Variants in NPLOC4 observed in about 807,000 individuals in gnomAD.
The protein encoded by NPLOC4 is NPL4 homolog, ubiquitin recognition factor.
Under a neutral mutation model 80.6 loss-of-function variants are expected in NPLOC4, and 18 were observed. That is an observed-to-expected ratio of 0.22 (90% CI 0.15 to 0.33). NPLOC4 has a LOEUF of 0.33. NPLOC4 is among the 10% of genes least tolerant of loss of function. NPLOC4 has a pLI of 1.00. For synonymous variants in NPLOC4, 313 were observed against 301.5 expected (o/e 1.04, Z -0.39); for missense variants, 540 against 786.1 (o/e 0.69, Z 3.74).
intron 3 of NPLOC4, among the ~76,000 whole-genome samples, chr17:81,620,120 TG>T (rs1568161803): frequency 6.6e-6 from 1 of 152,146 alleles, no homozygotes; most frequent in African/African-American, 2.4e-5. Context: ...AAGGGGAACC[TG>T]AAGATTACAA....
At chr17:81,563,441 A>G (rs532097872) in intron 16 of NPLOC4, 4 of 152,180 alleles carry the variant, frequency 2.6e-5, no homozygotes, top group Admixed American at 2.6e-4. Context: ...GTAGTGGCTC[A>G]TGTTTATACT....
chr17:81,582,485 G>A (rs76407518), intron 12 of NPLOC4, among the ~76,000 whole-genome samples: 16,132 of 152,158 alleles, frequency 0.11, 938 homozygotes, highest in Middle Eastern at 0.18. Flanking sequence ...CACTGCAGCC[G>A]TGAACTCCTG....
At chr17:81,620,500 AAAAT>A (rs1451658367) in intron 3 of NPLOC4, among the ~76,000 whole-genome samples, 1 of 152,174 alleles carries the variant, frequency 6.6e-6, no homozygotes, top group Non-Finnish European at 1.5e-5. Flanking sequence ...CGTCTCAAAA[AAAAT>A]AAATAAATAA....
In NPLOC4 at chr17:81,637,101, C is replaced by G. The variant is rs961186671; in HGVS notation, c.-171G>C. ...CCGCCAGCCGCCGACGTCCCGGTGC[C>G]TCGCTCAATACGCTCCCCTCGGGCG... is the stretch of plus-strand genomic sequence containing the variant. On this transcript the variant is annotated 5_prime_UTR_variant, in exon 1 of 17. Coordinates refer to ENST00000331134, the MANE Select transcript of NPLOC4 (RefSeq NM_017921.4). 1.4e-4 allele frequency: 51 copies of G among 369,608 alleles called. No individual in the cohort carries two copies. The highest frequency in any genetic ancestry group is 4.5e-4 in the East Asian group (10 of 22,418). 22.9% of individuals were successfully genotyped at this position (369,608 alleles called of 1,614,324 possible).
At position 81,559,286 on chromosome 17, in the gene NPLOC4, G is replaced by A. The variant is rs199791293; in HGVS notation, c.1800C>T (p.Cys600=). The part of the protein sequence containing the change: ...TFMNQPGTGH[C]EMCSLPRT ...AGGTCCTGGGGAGGCTGCACATCTC[G>A]CAGTGGCCTGTGCCTGGCTGGTTCA... is the stretch of plus-strand genomic sequence containing the variant. Residue 600 remains cysteine (C), a synonymous_variant, in exon 17 of 17, where the codon TGC becomes TGT. Transcript: ENST00000331134. 425 of 1,604,850 alleles carry A rather than the reference G, an allele frequency of 2.6e-4. No homozygotes were observed. The highest frequency in any genetic ancestry group is 1.0e-3 in the Admixed American group (61 of 58,550).
chr17:81,626,639 C>A (rs1284369370), intron 2 of NPLOC4, among the ~76,000 whole-genome samples: 2 of 152,102 alleles, frequency 1.3e-5, no homozygotes, highest in Admixed American at 1.3e-4. Context: ...TCAAGACCAG[C>A]CTAGACAACA....
chr17:81,627,188 A>C (rs373213933), intron 2 of NPLOC4, among the ~76,000 whole-genome samples: 9 of 151,510 alleles, frequency 5.9e-5, no homozygotes, highest in African/African-American at 2.2e-4. Context: ...CAGGAGATCG[A>C]GACCATCCTC....
rs2035879952 is a variant in NPLOC4, at chr17:81,629,547, G to A, written c.96+178C>T. 2.0e-5 allele frequency among the ~76,000 whole-genome samples: 3 copies of A among 152,260 alleles called. No homozygotes were observed. In the East Asian group the frequency reaches 5.8e-4, roughly 29 times the overall value. ...GTCCTATAATTTTGAGCAGTGATCA[G>A]CTGTGACAAACATCTCATCCTATAG... On this transcript the variant is annotated intron_variant, in intron 2 of 16. Transcript: ENST00000331134.
chr17:81,565,124 C>G lies in NPLOC4; in HGVS notation c.1669+381G>C, dbSNP rs2033970751. On this transcript the variant is annotated intron_variant, in intron 16 of 16. Coordinates refer to ENST00000331134, the MANE Select transcript of NPLOC4 (RefSeq NM_017921.4). ...GGCTTCTCCTCCTTACAGCTTTAAG[C>G]ACTAAAGGGAAATTCTCAAGGAGAC... is the stretch of plus-strand genomic sequence containing the variant. The G allele has an allele frequency of 5.0e-6, 3 of 594,142 alleles. No individual in the cohort carries two copies. In the South Asian group the frequency reaches 6.3e-5, roughly 12 times the overall value. 36.8% of individuals were successfully genotyped at this position (594,142 alleles called of 1,614,324 possible).
intron 14 of NPLOC4, among the ~76,000 whole-genome samples, chr17:81,568,794 C>T (rs2034082135): frequency 6.6e-6 from 1 of 152,228 alleles, no homozygotes; most frequent in Non-Finnish European, 1.5e-5. Context: ...GAAGATGTGG[C>T]CAGTCAGGAC....
At chr17:81,628,211 A>AT (rs778310840) in intron 2 of NPLOC4, among the ~76,000 whole-genome samples, 15 of 146,964 alleles carry the variant, frequency 1.0e-4, no homozygotes, top group Middle Eastern at 3.5e-3. Context: ...ACTCCCTCTC[A>AT]TAAAAAAAAA....
rs1264859007 is a variant in NPLOC4 at position 81,594,557 on chromosome 17, C to T, written c.1120+1559G>A. On this transcript the variant is annotated intron_variant, in intron 11 of 16. Coordinates refer to ENST00000331134, the MANE Select transcript of NPLOC4 (RefSeq NM_017921.4). ...TTGGGAGGCCGAGGTGGGCGGATCA[C>T]GAGGTCAGGAGATCGAGACCATCCT... Among the ~76,000 whole-genome samples the T allele has an allele frequency of 2.6e-5, 4 of 151,960 alleles. No individual in the cohort carries two copies. The East Asian group carries it at 5.8e-4, about 22-fold the overall frequency.
chr17:81,568,703 G>A (rs928842642), intron 14 of NPLOC4, among the ~76,000 whole-genome samples: 1 of 152,246 alleles, frequency 6.6e-6, no homozygotes, highest in Non-Finnish European at 1.5e-5. Context: ...TGACCAGGCA[G>A]GGGCCAGGCC....
In NPLOC4 at chr17:81,613,505, G is replaced by A. The variant is rs2144256699; in HGVS notation, c.210-11C>T. 6.2e-7 allele frequency: 1 copy of A among 1,608,532 alleles called. No individual in the cohort carries two copies. The highest frequency in any genetic ancestry group is 1.1e-5 in the South Asian group (1 of 90,142). ...AACAAATCGCCATGCCTGTTCAAAT[G>A]ATAAACAGAGGCTGATGCCTTCCCT... is the stretch of plus-strand genomic sequence containing the variant. On this transcript the variant is annotated splice_polypyrimidine_tract_variant and intron_variant, in intron 3 of 16. Coordinates refer to ENST00000331134, the MANE Select transcript of NPLOC4 (RefSeq NM_017921.4).
chr17:81,602,362 C>A (rs1172815369), intron 8 of NPLOC4, among the ~76,000 whole-genome samples: 2 of 151,708 alleles, frequency 1.3e-5, no homozygotes, highest in Admixed American at 6.6e-5. Flanking sequence ...GCGTGGGCCA[C>A]ACAGAGACCC....
chr17:81,631,884 C>A (rs2035942311), intron 1 of NPLOC4, among the ~76,000 whole-genome samples: 1 of 152,144 alleles, frequency 6.6e-6, no homozygotes, highest in African/African-American at 2.4e-5. Flanking sequence ...ACTGCAACCT[C>A]TGCCTCTTGA....
intron 3 of NPLOC4, among the ~76,000 whole-genome samples, chr17:81,619,190 G>A (rs2144283472): frequency 7.5e-6 from 1 of 133,880 alleles, no homozygotes; most frequent in Non-Finnish European, 1.6e-5. Context: ...AAACACCCAA[G>A]AATGATCAAT....
At chr17:81,617,689 C>T (rs537432324) in intron 3 of NPLOC4, among the ~76,000 whole-genome samples, 11 of 150,194 alleles carry the variant, frequency 7.3e-5, no homozygotes, top group Non-Finnish European at 1.5e-4. Flanking sequence ...TCTCTTTCCA[C>T]GGTCTCCCTC....
At chr17:81,611,917 G>A (rs991396971) in intron 4 of NPLOC4, among the ~76,000 whole-genome samples, 2 of 144,536 alleles carry the variant, frequency 1.4e-5, no homozygotes, top group African/African-American at 5.2e-5. Flanking sequence ...CGGACGTCGC[G>A]CCACTGCACT....
Sources: allele counts gnomAD v4.1 joint callset (sites outside exome capture counted in the v4.1 genomes callset), GRCh38; gene constraint gnomAD v4.1.1; transcripts MANE v1.5; gene names NCBI Gene and HGNC (gene_info 2026-07-23, HGNC 2026-07-21).